The following ST8SIA6 variants were observed in gnomAD, a reference collection of about 807,000 sequenced individuals.
ST8SIA6 encodes alpha-2,8-sialyltransferase 8F.
In ST8SIA6, 39 loss-of-function variants were observed where a neutral mutation model predicts 33.6. That is an observed-to-expected ratio of 1.16 (90% CI 0.90 to 1.52). ST8SIA6 has a LOEUF of 1.52. ST8SIA6 is among the 40% of genes most tolerant of loss of function. The pLI, the probability that ST8SIA6 is intolerant of heterozygous loss-of-function variation, is 0.00. For missense variants in ST8SIA6, 441 were observed against 443.8 expected (o/e 0.99, Z 0.06); for synonymous variants, 172 against 167.2 (o/e 1.03, Z -0.22).
At chr10:17,329,250 T>C (rs1848225690) in intron 5 of ST8SIA6, among the ~76,000 whole-genome samples, 2 of 152,182 alleles carry the variant, frequency 1.3e-5, no homozygotes, top group Admixed American at 6.6e-5. Context: ...CAGCAACCTT[T>C]TGAGTATTTT....
chr10:17,331,626 A>C, intron 4 of ST8SIA6, 74 bp from the exon 5 acceptor site: 1 of 1,431,136 alleles, frequency 7.0e-7, no homozygotes. Flanking sequence ...ACGATGGACA[A>C]TGCCGAAGAG....
At chr10:17,389,190 ACT>A (rs1472095128) in intron 3 of ST8SIA6, among the ~76,000 whole-genome samples, 1 of 151,760 alleles carries the variant, frequency 6.6e-6, no homozygotes, top group Non-Finnish European at 1.5e-5. Context: ...ATCTCTAAAA[ACT>A]CTGATCCCCG....
At chr10:17,334,383 CAA>C (rs1220362945) in intron 4 of ST8SIA6, among the ~76,000 whole-genome samples, 3 of 151,222 alleles carry the variant, frequency 2.0e-5, no homozygotes, top group Admixed American at 2.0e-4. Context: ...ACTAAAAATA[CAA>C]AAAGTTAGCC....
chr10:17,424,126 T>A (rs1851862453), intron 2 of ST8SIA6, among the ~76,000 whole-genome samples: 1 of 150,632 alleles, frequency 6.6e-6, no homozygotes, highest in Non-Finnish European at 1.5e-5. Flanking sequence ...TTTTTTGAGA[T>A]GGAGTCTCAT....
intron 4 of ST8SIA6, among the ~76,000 whole-genome samples, chr10:17,339,289 G>A (rs146754156): frequency 1.2e-4 from 19 of 152,170 alleles, no homozygotes; most frequent in African/African-American, 2.4e-5. Flanking sequence ...CGAGGCTAAC[G>A]ACCTAAAGGC....
intron 3 of ST8SIA6, among the ~76,000 whole-genome samples, chr10:17,361,381 G>A (rs896781635): frequency 6.6e-6 from 1 of 151,928 alleles, no homozygotes; most frequent in Non-Finnish European, 1.5e-5. Flanking sequence ...TGCCAAAATA[G>A]TTGGTGACTT....
At chr10:17,431,736 G>GAAA (rs113184112) in intron 2 of ST8SIA6, among the ~76,000 whole-genome samples, 2 of 118,866 alleles carry the variant, frequency 1.7e-5, no homozygotes, top group African/African-American at 2.7e-5. Context: ...TCTTCGTTTG[G>GAAA]AAAAAAAAAA....
intron 3 of ST8SIA6, among the ~76,000 whole-genome samples, chr10:17,374,764 T>TATATATATATATATATATATACAC (rs1441288579): frequency 0.016 from 1,967 of 126,382 alleles, 78 homozygotes; most frequent in East Asian, 0.11. Flanking sequence ...TATATATATA[T>TATATATATATATATATATATACAC]ATATTTAGCT....
intron 4 of ST8SIA6, among the ~76,000 whole-genome samples, chr10:17,341,909 A>AAAC (rs1848687968): frequency 6.6e-6 from 1 of 150,606 alleles, no homozygotes; most frequent in Non-Finnish European, 1.5e-5. Flanking sequence ...TCAAAAAAAA[A>AAAC]AAAAAAAAAA....
At chr10:17,334,261 T>C (rs1588794908) in intron 4 of ST8SIA6, among the ~76,000 whole-genome samples, 1 of 151,452 alleles carries the variant, frequency 6.6e-6, no homozygotes, top group African/African-American at 2.4e-5. Context: ...AAATACAGGC[T>C]GGGCGCGGTG....
chr10:17,387,669 G>A (rs897104043), intron 3 of ST8SIA6, among the ~76,000 whole-genome samples: 1 of 152,178 alleles, frequency 6.6e-6, no homozygotes, highest in Non-Finnish European at 1.5e-5. Flanking sequence ...AGAGATCTTA[G>A]CCAGTATCAA....
At chr10:17,404,009 GAGC>G (rs1030638164) in intron 2 of ST8SIA6, among the ~76,000 whole-genome samples, 1 of 148,204 alleles carries the variant, frequency 6.7e-6, no homozygotes, top group African/African-American at 2.5e-5. Context: ...AGGCTGCAGT[GAGC>G]AGAGATGGTG....
chr10:17,387,652 C>A (rs1850431350), intron 3 of ST8SIA6, among the ~76,000 whole-genome samples: 1 of 152,252 alleles, frequency 6.6e-6, no homozygotes, highest in East Asian at 1.9e-4. Flanking sequence ...ATCGATTAAC[C>A]CAAATCAGAG....
intron 2 of ST8SIA6, among the ~76,000 whole-genome samples, chr10:17,417,115 A>T (rs986871391): frequency 4.6e-5 from 7 of 152,076 alleles, no homozygotes; most frequent in African/African-American, 1.7e-4. Flanking sequence ...TCATGGCGGG[A>T]TGTAAAGGAG....
chr10:17,322,500 C>T (rs1847992370), intron 7 of ST8SIA6, among the ~76,000 whole-genome samples: 1 of 152,150 alleles, frequency 6.6e-6, no homozygotes, highest in African/African-American at 2.4e-5. Context: ...GATGCTATAA[C>T]TATTAGCACG....
At chr10:17,401,484 G>C (rs937253701) in intron 2 of ST8SIA6, among the ~76,000 whole-genome samples, 16 of 152,098 alleles carry the variant, frequency 1.1e-4, no homozygotes, top group African/African-American at 3.9e-4. Flanking sequence ...ACAATCCTAA[G>C]CCAAAAGAAC....
At chr10:17,427,525 T>C (rs1270053208) in intron 2 of ST8SIA6, among the ~76,000 whole-genome samples, 1 of 152,246 alleles carries the variant, frequency 6.6e-6, no homozygotes, top group Non-Finnish European at 1.5e-5. Context: ...CATCACAGCA[T>C]GAGCCGAAGC....
chr10:17,398,854 G>A (rs1401731909), intron 2 of ST8SIA6, among the ~76,000 whole-genome samples: 1 of 152,074 alleles, frequency 6.6e-6, no homozygotes, highest in African/African-American at 2.4e-5. Context: ...ACCTGCCCCT[G>A]GGACAGAGGC....
At chr10:17,442,742 C>A (rs1266349286) in intron 2 of ST8SIA6, among the ~76,000 whole-genome samples, 1 of 152,186 alleles carries the variant, frequency 6.6e-6, no homozygotes, top group African/African-American at 2.4e-5. Flanking sequence ...GGGTTTTCAA[C>A]TCTGCAGGTT....
Sources: allele counts gnomAD v4.1 joint callset (sites outside exome capture counted in the v4.1 genomes callset), GRCh38; gene constraint gnomAD v4.1.1; transcripts MANE v1.5; gene names NCBI Gene and HGNC (gene_info 2026-07-23, HGNC 2026-07-21).